CABCOCO1: variants seen among roughly 807,000 people sequenced by gnomAD.
CABCOCO1 encodes the protein ciliary associated calcium binding coiled-coil 1, also known as ciliary-associated calcium-binding coiled-coil protein 1.
CABCOCO1 carries 28 observed loss-of-function variants against 35.7 expected under a neutral mutation model. The ratio of observed to expected loss-of-function variants is 0.78; its 90% confidence interval spans 0.58 to 1.07. The LOEUF is 1.07. Among genes scored for constraint, CABCOCO1 ranks in the 50% least tolerant of loss-of-function variants. The pLI is 0.00. For missense variants in CABCOCO1, 326 were observed against 309.2 expected (o/e 1.05, Z -0.41); for synonymous variants, 95 against 100.1 (o/e 0.95, Z 0.30).
intron 5 of CABCOCO1, among the ~76,000 whole-genome samples, chr10:61,698,043 T>A (rs558569235): frequency 1.3e-5 from 2 of 152,274 alleles, no homozygotes; most frequent in Admixed American, 1.3e-4. Flanking sequence ...TGTAAAAATA[T>A]TTATTCAGCT....
At chr10:61,726,456 T>C (rs187402781) in intron 5 of CABCOCO1, among the ~76,000 whole-genome samples, 96 of 152,144 alleles carry the variant, frequency 6.3e-4, no homozygotes, top group African/African-American at 2.3e-3. Flanking sequence ...TTTTACTTGA[T>C]TACAGAGCAA....
intron 1 of CABCOCO1, among the ~76,000 whole-genome samples, chr10:61,666,782 TA>T (rs1450455119): frequency 2.6e-5 from 4 of 151,378 alleles, no homozygotes; most frequent in Non-Finnish European, 5.9e-5. Flanking sequence ...CTAAATAAAC[TA>T]TTTTGTCTCT....
At chr10:61,761,407 A>T (rs1842007156) in intron 7 of CABCOCO1, among the ~76,000 whole-genome samples, 1 of 152,050 alleles carries the variant, frequency 6.6e-6, no homozygotes, top group Non-Finnish European at 1.5e-5. Context: ...AGATCTTTGA[A>T]CTGCCTCTCA....
intron 5 of CABCOCO1, among the ~76,000 whole-genome samples, chr10:61,726,003 T>G (rs1381780007): frequency 6.6e-6 from 1 of 152,226 alleles, no homozygotes; most frequent in Non-Finnish European, 1.5e-5. Context: ...TCAGCAACTT[T>G]GTATGTGATC....
chr10:61,743,553 G>C (rs1841594592), intron 5 of CABCOCO1, among the ~76,000 whole-genome samples: 1 of 152,066 alleles, frequency 6.6e-6, no homozygotes, highest in South Asian at 2.1e-4. Flanking sequence ...TTAATGGATG[G>C]AAAACCCAAG....
chr10:61,756,690 T>C (rs1033032649), intron 5 of CABCOCO1, among the ~76,000 whole-genome samples: 4 of 152,098 alleles, frequency 2.6e-5, no homozygotes, highest in Non-Finnish European at 4.4e-5. Context: ...TCCTGATTTT[T>C]AATCTCAGCA....
At chr10:61,762,621 A>G (rs1184899921) in intron 7 of CABCOCO1, among the ~76,000 whole-genome samples, 1 of 152,126 alleles carries the variant, frequency 6.6e-6, no homozygotes, top group Non-Finnish European at 1.5e-5. Context: ...ATTTTCTATC[A>G]GTAATCCTAG....
intron 5 of CABCOCO1, among the ~76,000 whole-genome samples, chr10:61,741,148 GA>G (rs988249877): frequency 1.3e-5 from 2 of 148,828 alleles, no homozygotes; most frequent in African/African-American, 2.5e-5. Context: ...CTATCTCAAA[GA>G]AAAAAAATAA....
intron 5 of CABCOCO1, among the ~76,000 whole-genome samples, chr10:61,724,941 C>T (rs1470862279): frequency 1.3e-5 from 2 of 152,122 alleles, no homozygotes; most frequent in Non-Finnish European, 2.9e-5. Flanking sequence ...TGCACATATA[C>T]CCTAGAACTT....
At chr10:61,717,156 CA>C (rs954121191) in intron 5 of CABCOCO1, among the ~76,000 whole-genome samples, 7 of 150,644 alleles carry the variant, frequency 4.6e-5, no homozygotes, top group African/African-American at 7.3e-5. Flanking sequence ...ACAAAAGAGG[CA>C]AAAAAAAATT....
At chr10:61,754,203 A>C (rs748087771) in intron 5 of CABCOCO1, among the ~76,000 whole-genome samples, 30 of 152,110 alleles carry the variant, frequency 2.0e-4, no homozygotes, top group African/African-American at 4.6e-4. Flanking sequence ...TTTACAGATA[A>C]ATAAACTGAG....
chr10:61,691,004 T>G (rs1243722627), intron 5 of CABCOCO1, among the ~76,000 whole-genome samples: 3 of 152,178 alleles, frequency 2.0e-5, no homozygotes, highest in Non-Finnish European at 2.9e-5. Flanking sequence ...TTTCACATTT[T>G]TTTTCATTCT....
chr10:61,754,255 C>T (rs556560980), intron 5 of CABCOCO1, among the ~76,000 whole-genome samples: 2 of 152,072 alleles, frequency 1.3e-5, no homozygotes, highest in Admixed American at 6.6e-5. Flanking sequence ...GGAATAGAGC[C>T]AAGTCTAAAG....
chr10:61,671,811 G>C (rs1589109464), intron 1 of CABCOCO1, among the ~76,000 whole-genome samples: 1 of 152,160 alleles, frequency 6.6e-6, no homozygotes, highest in East Asian at 1.9e-4. Flanking sequence ...TACCTGCCCA[G>C]AAACTTCATG....
intron 1 of CABCOCO1, among the ~76,000 whole-genome samples, chr10:61,666,952 G>GTATAAATATAATTATATATAATA (rs1839194861): frequency 1.5e-5 from 2 of 131,782 alleles, no homozygotes; most frequent in Non-Finnish European, 3.1e-5. Context: ...TATATATTAT[G>GTATAAATATAATTATATATAATA]TATAAATATA....
intron 5 of CABCOCO1, among the ~76,000 whole-genome samples, chr10:61,700,317 T>C (rs1364390352): frequency 6.6e-6 from 1 of 151,998 alleles, no homozygotes; most frequent in East Asian, 1.9e-4. Flanking sequence ...AGAAAAGGCA[T>C]AATAGTCTTA....
chr10:61,757,489 A>G (rs1053815986), intron 5 of CABCOCO1, among the ~76,000 whole-genome samples: 1 of 152,072 alleles, frequency 6.6e-6, no homozygotes, highest in African/African-American at 2.4e-5. Flanking sequence ...CACCCTGAAG[A>G]AAAGAAATTC....
chr10:61,748,400 A>T (rs888025051), intron 5 of CABCOCO1, among the ~76,000 whole-genome samples: 1 of 152,216 alleles, frequency 6.6e-6, no homozygotes, highest in Admixed American at 6.5e-5. Context: ...TTGTAGACAT[A>T]AATATGTCAC....
intron 5 of CABCOCO1, among the ~76,000 whole-genome samples, chr10:61,741,847 T>C (rs147788645): frequency 6.6e-6 from 1 of 152,336 alleles, no homozygotes; most frequent in Non-Finnish European, 1.5e-5. Context: ...ATAAAAGTAA[T>C]TTGTTGTTCT....
Sources: gnomAD v4.1 joint callset for allele counts (sites outside exome capture counted in the v4.1 genomes callset) on GRCh38, gnomAD v4.1.1 for gene constraint, MANE v1.5 for transcripts, NCBI Gene and HGNC (gene_info 2026-07-23, HGNC 2026-07-21) for gene names.